The following GOLM1 variants were observed in gnomAD, a reference collection of about 807,000 sequenced individuals.
The protein encoded by GOLM1 is golgi membrane protein 1, also known as epididymis luminal protein 46.
Under a neutral mutation model 50.5 loss-of-function variants are expected in GOLM1, and 31 were observed. The ratio of observed to expected loss-of-function variants is 0.61; its 90% confidence interval spans 0.46 to 0.83. The LOEUF (loss-of-function observed/expected upper bound fraction) is 0.83, where lower values mean the gene tolerates loss of function less well. GOLM1 is among the 40% of genes least tolerant of loss of function. GOLM1 has a pLI of 0.00. For synonymous variants in GOLM1, 178 were observed against 192.8 expected (o/e 0.92, Z 0.64); for missense variants, 491 against 501.3 (o/e 0.98, Z 0.20).
intron 1 of GOLM1, among the ~76,000 whole-genome samples, chr9:86,098,107 TAGG>T (rs1563972187): frequency 6.6e-6 from 1 of 152,194 alleles, no homozygotes. Context: ...AACCTCTCCA[TAGG>T]AGAACAAAAT....
In GOLM1 at chr9:86,053,815, C is replaced by T. The variant is rs368532558; in HGVS notation, c.310-1224G>A. 1.2e-3 allele frequency among the ~76,000 whole-genome samples: 174 copies of T among 147,938 alleles called. 4 individuals carry two copies. In the South Asian group the frequency reaches 0.034, roughly 29 times the overall value. ...GCTCCACACAACACCATACACCACACATCACACACCAAACCAAACCACACC... is the reference window on the plus strand; with the variant it reads ...GCTCCACACAACACCATACACCACATATCACACACCAAACCAAACCACACC... On this transcript the variant is annotated intron_variant, in intron 3 of 9. Coordinates refer to ENST00000388712, the MANE Select transcript of GOLM1 (RefSeq NM_016548.4).
At chr9:86,086,265 G>A (rs7858620) in intron 1 of GOLM1, among the ~76,000 whole-genome samples, 30,138 of 152,106 alleles carry the variant, frequency 0.2, 4,592 homozygotes, top group East Asian at 0.52. Flanking sequence ...CTGCATAAAT[G>A]TCTTCTTTTG....
intron 1 of GOLM1, among the ~76,000 whole-genome samples, chr9:86,089,084 C>T (rs958016788): frequency 6.6e-6 from 1 of 152,128 alleles, no homozygotes; most frequent in Non-Finnish European, 1.5e-5. Context: ...TGAATATTAG[C>T]CCCCATTCTC....
intron 3 of GOLM1, among the ~76,000 whole-genome samples, chr9:86,065,689 CCT>C (rs774017660): frequency 1.5e-4 from 23 of 152,296 alleles, no homozygotes; most frequent in Non-Finnish European, 2.9e-4. Context: ...ACTCTCTTCC[CCT>C]CTGTCTCAAG....
intron 3 of GOLM1, among the ~76,000 whole-genome samples, chr9:86,070,852 G>T (rs1177825894): frequency 1.3e-5 from 2 of 152,134 alleles, no homozygotes; most frequent in Admixed American, 1.3e-4. Flanking sequence ...ACACAGAAAT[G>T]TAGGGCCAAA....
intron 7 of GOLM1, 122 bp downstream of exon 7, chr9:86,036,226 C>T (rs576941857): frequency 3.2e-5 from 30 of 950,914 alleles, no homozygotes; most frequent in South Asian, 1.7e-4. Context: ...CAGAGAGACA[C>T]GTCCCTGCTC....
chr9:86,029,341 C>T (rs768991821), intron 9 of GOLM1, among the ~76,000 whole-genome samples: 1 of 152,162 alleles, frequency 6.6e-6, no homozygotes, highest in African/African-American at 2.4e-5. Flanking sequence ...TCCTGTGCGG[C>T]GTGACTCCCT....
At chr9:86,094,168 T>G (rs1274709244) in intron 1 of GOLM1, among the ~76,000 whole-genome samples, 4 of 151,780 alleles carry the variant, frequency 2.6e-5, no homozygotes, top group African/African-American at 9.7e-5. Context: ...GGCCTGGTTT[T>G]TTTTTTTTTA....
intron 9 of GOLM1, among the ~76,000 whole-genome samples, chr9:86,030,102 C>T (rs1462997921): frequency 6.6e-6 from 1 of 151,870 alleles, no homozygotes; most frequent in Non-Finnish European, 1.5e-5. Context: ...TCCCAGCTCC[C>T]AGCTACTCAG....
At chr9:86,092,076 A>G (rs965674398) in intron 1 of GOLM1, among the ~76,000 whole-genome samples, 2 of 152,092 alleles carry the variant, frequency 1.3e-5, no homozygotes, top group South Asian at 4.1e-4. Context: ...CAAGACTGGA[A>G]CCCCACAACC....
intron 9 of GOLM1, among the ~76,000 whole-genome samples, chr9:86,029,093 G>A (rs934515211): frequency 1.3e-5 from 2 of 152,112 alleles, no homozygotes; most frequent in East Asian, 3.9e-4. Context: ...TCCTGACCTC[G>A]TGATCCGCCC....
At chr9:86,042,556 C>T (rs1282860695) in intron 5 of GOLM1, among the ~76,000 whole-genome samples, 19 of 152,208 alleles carry the variant, frequency 1.2e-4, no homozygotes, top group Admixed American at 1.2e-3. Context: ...TGACCTTGAA[C>T]AGCTGACAGA....
At chr9:86,030,591 A>T (rs897543364) in intron 9 of GOLM1, among the ~76,000 whole-genome samples, 4 of 152,224 alleles carry the variant, frequency 2.6e-5, no homozygotes, top group Admixed American at 2.6e-4. Context: ...AACATAAATG[A>T]TAAACTGCTC....
chr9:86,043,691 A>G (rs1288006321), intron 5 of GOLM1, among the ~76,000 whole-genome samples: 2 of 152,330 alleles, frequency 1.3e-5, no homozygotes, highest in East Asian at 1.9e-4. Flanking sequence ...AGTCAGCCAG[A>G]AAGAGCTTTC....
chr9:86,057,181 A>G (rs1034021724), intron 3 of GOLM1, among the ~76,000 whole-genome samples: 1 of 152,194 alleles, frequency 6.6e-6, no homozygotes, highest in Non-Finnish European at 1.5e-5. Flanking sequence ...CCCATGTACA[A>G]ATTTATTATG....
intron 3 of GOLM1, among the ~76,000 whole-genome samples, chr9:86,068,489 C>T (rs1041206729): frequency 1.1e-4 from 16 of 152,196 alleles, no homozygotes; most frequent in Admixed American, 9.8e-4. Flanking sequence ...CACACTGCCA[C>T]GTGGAAAAGG....
intron 6 of GOLM1, among the ~76,000 whole-genome samples, chr9:86,040,058 C>T (rs935868184): frequency 6.6e-6 from 1 of 151,482 alleles, no homozygotes; most frequent in Non-Finnish European, 1.5e-5. Context: ...TCAAGAGACA[C>T]AAAGTACATT....
chr9:86,039,178 AT>A (rs1833248732), intron 6 of GOLM1, among the ~76,000 whole-genome samples: 2 of 152,256 alleles, frequency 1.3e-5, no homozygotes, highest in Admixed American at 1.3e-4. Context: ...CAAATGGCCA[AT>A]GAAACATGTG....
chr9:86,087,869 A>ATG (rs1279748911), intron 1 of GOLM1, among the ~76,000 whole-genome samples: 1 of 152,144 alleles, frequency 6.6e-6, no homozygotes, highest in Non-Finnish European at 1.5e-5. Flanking sequence ...TTCCCCATCG[A>ATG]TGTTCATCAG....
Sources: gnomAD v4.1 joint callset for allele counts (sites outside exome capture counted in the v4.1 genomes callset) on GRCh38, gnomAD v4.1.1 for gene constraint, MANE v1.5 for transcripts, NCBI Gene and HGNC (gene_info 2026-07-23, HGNC 2026-07-21) for gene names.